Variants in PPT2 observed in about 807,000 individuals in gnomAD.
PPT2 encodes the protein lysosomal thioesterase PPT2.
Under a neutral mutation model 37.3 loss-of-function variants are expected in PPT2, and 20 were observed. The ratio of observed to expected loss-of-function variants is 0.54; its 90% CI spans 0.38 to 0.78. PPT2 has a LOEUF of 0.78. PPT2 is among the 30% of genes least tolerant of loss of function. PPT2 has a pLI of 0.00. For synonymous variants in PPT2, 135 were observed against 159.1 expected, an observed-to-expected ratio of 0.85 and a Z score of 1.14; for missense variants, 270 against 389.8, an observed-to-expected ratio of 0.69 and a Z score of 2.59.
chr6:32,157,865 G>A lies in PPT2; in HGVS notation c.651G>A (p.Val217=). 1.9e-6 allele frequency: 3 copies of A among 1,612,834 alleles called. No individual in the cohort carries two copies. Reference sequence around the variant, plus strand: ...TATGGCGGAAGAACTTTCTGCGTGTGGGCCACCTGGTGCTGATTGGGGGCC... The same window carrying A: ...TATGGCGGAAGAACTTTCTGCGTGTAGGCCACCTGGTGCTGATTGGGGGCC... The part of the protein sequence containing the change: ...ATVWRKNFLR[V]GHLVLIGGPD... The change falls in exon 7 of 9, where the codon GTG becomes GTA. Residue 217 remains valine, a synonymous_variant. Coordinates refer to ENST00000324816, the MANE Select transcript of PPT2 (RefSeq NM_005155.7).
chr6:32,162,502 G>T lies in PPT2; in HGVS notation c.711-66G>T, dbSNP rs1582628345. 1 of 1,482,248 alleles carries T rather than the reference G, an allele frequency of 6.7e-7. No individual in the cohort carries two copies. The highest frequency in any genetic ancestry group is 2.3e-5 in the East Asian group (1 of 44,222). The allele number at this position is 1,482,248 out of a possible 1,614,324, so 91.8% of individuals were successfully genotyped here. A position where few individuals can be genotyped will look rare whatever the true frequency, so the allele number is the denominator to read the frequency against. On this transcript the variant is annotated intron_variant, in intron 7 of 8. Coordinates refer to ENST00000324816, the MANE Select transcript of PPT2 (RefSeq NM_005155.7). This position sits in a 1 kb window ranked among gnomAD's most constrained non-coding sequence, Gnocchi z 5.5. Reference sequence around the variant, plus strand: ...CCCAAAGTGCTGCAATTACAGGCGTGTGCCACTGCGCCCGGCCAGATTTTC... The same window carrying T: ...CCCAAAGTGCTGCAATTACAGGCGTTTGCCACTGCGCCCGGCCAGATTTTC...
chr6:32,158,042 C>G (rs1013547031), intron 7 of PPT2, 118 bp downstream of exon 7: 9 of 883,300 alleles, frequency 1.0e-5, no homozygotes, highest in African/African-American at 3.4e-5. Context: ...GCTCCTCCCC[C>G]CATTCATCAT....
In PPT2 at chr6:32,162,209, TCTTTCCTTTTTC is replaced by T. The variant is rs2127397127; in HGVS notation, c.711-349_711-338del. Among the ~76,000 whole-genome samples the T allele has an allele frequency of 6.6e-6, 1 of 152,292 alleles. No homozygotes were observed. The highest frequency in any genetic ancestry group is 2.4e-5 in the African/African-American group (1 of 41,558). On this transcript the variant is annotated intron_variant, in intron 7 of 8. Coordinates refer to ENST00000324816, the MANE Select transcript of PPT2 (RefSeq NM_005155.7). The surrounding 1 kb of genome is among the most constrained non-coding windows in gnomAD (Gnocchi z 5.5). ...TCCTTTCTTTTTTCCTTTTCTTTTT[TCTTTCCTTTTTC>T]CTTTCCTTTCCTTTTTGAGATGGGG...
At chr6:32,153,681 G>A, upstream of PPT2, 6 of 595,492 alleles carry the variant, frequency 1.0e-5, no homozygotes, top group Non-Finnish European at 1.9e-5. This position sits in a 1 kb window ranked among gnomAD's most constrained non-coding sequence, Gnocchi z 4.4. Context: ...GGTGGGGTGG[G>A]TGTTGAGGGG....
In PPT2 at chr6:32,161,325, T is replaced by G. The variant is rs187834516; in HGVS notation, c.711-1243T>G. 1.4e-4 allele frequency among the ~76,000 whole-genome samples: 22 copies of G among 152,254 alleles called. No individual in the cohort carries two copies. The East Asian group carries it at 4.1e-3, about 28-fold the overall frequency. On this transcript the variant is annotated intron_variant, in intron 7 of 8. Transcript: ENST00000324816. ...GTTTGTTTGAGTTGGAGTTTCACTC[T>G]TGTTGCCCAGGCTGGAGTGCAATGG...
Position 32,162,967 on chromosome 6 carries a change from C to T in PPT2, c.*17C>T, listed in dbSNP as rs762955500. 4 of 1,603,354 alleles carry T rather than the reference C, an allele frequency of 2.5e-6. No homozygotes were observed. Among genetic ancestry groups the T allele is most frequent in the African/African-American group, 2.7e-5 (2 of 74,354 alleles). ...CTCTCCTGAGGATATATTCAGGGGT[C>T]CCCAGGAACTCCTCGGTCCAGAGAC... On this transcript the variant is annotated 3_prime_UTR_variant, in exon 9 of 9. Transcript: ENST00000324816. This position sits in a 1 kb window ranked among gnomAD's most constrained non-coding sequence, Gnocchi z 5.5.
Position 32,155,804 on chromosome 6 carries a change from A to G in PPT2, c.433+21A>G. 1 of 1,611,078 alleles carries G rather than the reference A, an allele frequency of 6.2e-7. No homozygotes were observed. The highest frequency in any genetic ancestry group is 8.5e-7 in the Non-Finnish European group (1 of 1,177,270). The stretch of plus-strand genomic sequence containing the variant: ...TGGAGGTGAGTGGGCACTAGACTCC[A>G]TAGAATGCCCTGAGTTTTGGGGGAA... On this transcript the variant is annotated intron_variant, in intron 4 of 8. Coordinates refer to ENST00000324816, the MANE Select transcript of PPT2 (RefSeq NM_005155.7). This position sits in a 1 kb window ranked among gnomAD's most constrained non-coding sequence, Gnocchi z 4.3.
At chr6:32,157,587 A>C (rs1221229713) in intron 5 of PPT2, 50 bp from the exon 6 acceptor site, 6 of 1,457,226 alleles carry the variant, frequency 4.1e-6, no homozygotes, top group Non-Finnish European at 5.8e-6. Flanking sequence ...TTTCACCACC[A>C]GTCTTGCCTC....
At chr6:32,161,836 G>A (rs1470010707) in intron 7 of PPT2, among the ~76,000 whole-genome samples, 4 of 151,618 alleles carry the variant, frequency 2.6e-5, no homozygotes, top group African/African-American at 9.7e-5. Flanking sequence ...CACCCTCCTC[G>A]GCCTCCCAAA....
rs1240632022 is a variant in PPT2 at position 32,156,352 on chromosome 6, C to T, written c.541+374C>T. On this transcript the variant is annotated intron_variant, in intron 5 of 8. Transcript: ENST00000324816. This position sits in a 1 kb window ranked among gnomAD's most constrained non-coding sequence, Gnocchi z 4.9. ...AACTCCTGACCTCAGGTGATCCACT[C>T]GCCTCGGCCTCCCAAAGTGCTGGGA... 2.0e-5 allele frequency among the ~76,000 whole-genome samples: 3 copies of T among 152,118 alleles called. No individual in the cohort carries two copies. Among genetic ancestry groups the T allele is most frequent in the Non-Finnish European group, 4.4e-5 (3 of 67,998 alleles).
chr6:32,162,435 G>C lies in PPT2; in HGVS notation c.711-133G>C, dbSNP rs1784222588. 5 of 871,652 alleles carry C rather than the reference G, an allele frequency of 5.7e-6. No individual in the cohort carries two copies. Among genetic ancestry groups the C allele is most frequent in the South Asian group, 4.3e-5 (3 of 69,348 alleles). The allele number at this position is 871,652 out of a possible 1,614,324, so 54.0% of individuals were successfully genotyped here. ...GGGTTTCACCATTTTGGTCAGGCTG[G>C]TCTTGAACTCCTGGCCTCAGGTGAT... is the stretch of plus-strand genomic sequence containing the variant. On this transcript the variant is annotated intron_variant, in intron 7 of 8. Coordinates refer to ENST00000324816, the MANE Select transcript of PPT2 (RefSeq NM_005155.7). This position sits in a 1 kb window ranked among gnomAD's most constrained non-coding sequence, Gnocchi z 5.5.
chr6:32,159,451 A>AT (rs1554128303), intron 7 of PPT2, among the ~76,000 whole-genome samples: 126 of 115,108 alleles, frequency 1.1e-3, no homozygotes, highest in African/African-American at 2.2e-3. Flanking sequence ...AAAAAAAAAA[A>AT]ATATATATAT....
In PPT2 at chr6:32,162,914, C is replaced by G; in HGVS notation, c.873C>G (p.Thr291=). 6.2e-7 allele frequency: 1 copy of G among 1,614,134 alleles called. No individual in the cohort carries two copies. The highest frequency in any genetic ancestry group is 8.5e-7 in the Non-Finnish European group (1 of 1,180,012). ...ISHTAWHSNR[T]LYETCIEPWL... is the part of the protein sequence containing the mutation. Reference sequence around the variant, plus strand: ...ACACAGCCTGGCACTCCAACCGTACCCTTTATGAGACCTGCATTGAACCTT... The same window carrying G: ...ACACAGCCTGGCACTCCAACCGTACGCTTTATGAGACCTGCATTGAACCTT... Residue 291 remains threonine (T), a synonymous_variant, in exon 9 of 9, where the codon ACC becomes ACG. Transcript: ENST00000324816. This position sits in a 1 kb window ranked among gnomAD's most constrained non-coding sequence, Gnocchi z 5.5.
Position 32,154,981 on chromosome 6 carries a change from G to T in PPT2, c.184-49G>T. On this transcript the variant is annotated intron_variant, in intron 2 of 8. Transcript: ENST00000324816. This position sits in a 1 kb window ranked among gnomAD's most constrained non-coding sequence, Gnocchi z 7.3. ...GGACGCGGGCCAGGGGGTGGCGTGTGGGAGCTTCTTAGCCTATCCCCGGTG... is the reference window on the plus strand; with the variant it reads ...GGACGCGGGCCAGGGGGTGGCGTGTTGGAGCTTCTTAGCCTATCCCCGGTG... 1 of 1,609,402 alleles carries T rather than the reference G, an allele frequency of 6.2e-7. No individual in the cohort carries two copies. Among genetic ancestry groups the T allele is most frequent in the Non-Finnish European group, 8.5e-7 (1 of 1,178,384 alleles).
chr6:32,155,137 C>G lies in PPT2; in HGVS notation c.291C>G (p.Ile97Met), dbSNP rs1052207357. 3 of 1,612,994 alleles carry G rather than the reference C, an allele frequency of 1.9e-6. No individual in the cohort carries two copies. Among genetic ancestry groups the G allele is most frequent in the Admixed American group, 1.7e-5 (1 of 60,006 alleles). Residue 97 changes from isoleucine to methionine, a missense_variant, in exon 3 of 9, where the codon ATC becomes ATG. Coordinates refer to ENST00000324816, the MANE Select transcript of PPT2 (RefSeq NM_005155.7). The surrounding 1 kb of genome is among the most constrained non-coding windows in gnomAD (Gnocchi z 4.3). ...VQGFREAVVP[I>M]MAKAPQGVHL... ...GGTTCCGAGAGGCTGTGGTCCCCAT[C>G]ATGGCAAAGGCCCCTCAAGGGGTGC... is the stretch of plus-strand genomic sequence containing the variant.
In PPT2 at chr6:32,163,262, T is replaced by C. The variant is rs558499097; in HGVS notation, c.*312T>C. 4 of 366,080 alleles carry C rather than the reference T, an allele frequency of 1.1e-5. No homozygotes were observed. The South Asian group carries it at 2.2e-4, about 20-fold the overall frequency. 22.7% of individuals were successfully genotyped at this position (366,080 alleles called of 1,614,324 possible). On this transcript the variant is annotated 3_prime_UTR_variant, in exon 9 of 9. Coordinates refer to ENST00000324816, the MANE Select transcript of PPT2 (RefSeq NM_005155.7). The stretch of plus-strand genomic sequence containing the variant: ...CATGTTTTTAACTTGTGGCTGCTTT[T>C]GCTGCTGCTGCTCCTCCGTATCTGG...
chr6:32,157,033 T>A (rs1477906991), intron 5 of PPT2: 3 of 151,754 alleles, frequency 2.0e-5, no homozygotes, highest in Non-Finnish European at 2.9e-5. Context: ...ACAAAAAAAA[T>A]TTAGCTGAAT....
Position 32,157,657 on chromosome 6 carries a change from T to G in PPT2, c.562T>G (p.Tyr188Asp). ...YWHDPHHDDL[Y>D]LNASSFLALI... ...CCCAGATCCCCACCACGATGACTTG[T>G]ACCTCAATGCCAGCAGCTTCCTGGC... Residue 188 changes from tyrosine (Y) to aspartate (D), a missense_variant, in exon 6 of 9, where the codon TAC (tyrosine) becomes GAC (aspartate). Tyr to Asp is a radical substitution (Grantham distance 160). Coordinates refer to ENST00000324816, the MANE Select transcript of PPT2 (RefSeq NM_005155.7). 6.2e-7 allele frequency: 1 copy of G among 1,600,910 alleles called. No individual in the cohort carries two copies. Among genetic ancestry groups the G allele is most frequent in the Non-Finnish European group, 8.6e-7 (1 of 1,168,732 alleles).
intron 7 of PPT2, among the ~76,000 whole-genome samples, chr6:32,161,945 C>T (rs1227696022): frequency 4.0e-5 from 6 of 149,808 alleles, no homozygotes; most frequent in African/African-American, 7.4e-5. Context: ...CTTGAACTCC[C>T]GACCTCAGGT....
Sources: gnomAD v4.1 joint callset for allele counts (sites outside exome capture counted in the v4.1 genomes callset) on GRCh38, gnomAD v4.1.1 for gene constraint, Gnocchi (gnomAD v3.1) non-coding constraint, MANE v1.5 for transcripts, NCBI Gene and HGNC (gene_info 2026-07-23, HGNC 2026-07-21) for gene names.